The following ACTR3C variants were observed in gnomAD, a reference collection of about 807,000 sequenced individuals.
ACTR3C encodes the protein actin related protein 3C, also known as actin-related protein 3C.
A neutral mutation model predicts 26.3 loss-of-function variants in ACTR3C; 18 were observed. The observed-to-expected ratio is 0.68, with a 90% CI of 0.47 to 1.01. The LOEUF (loss-of-function observed/expected upper bound fraction) is 1.01. Ranked by LOEUF, ACTR3C falls within the 50% of genes least tolerant of loss-of-function variation. The probability of loss-of-function intolerance (pLI) is 0.00; values close to 1 mark genes in which losing one functional copy is unlikely to be tolerated. For missense variants in ACTR3C, 184 were observed against 250.7 expected, an observed-to-expected ratio of 0.73 and a Z score of 1.80; for synonymous variants, 55 against 94.5, an observed-to-expected ratio of 0.58 and a Z score of 2.42.
chr7:150,116,722 G>A, the ACTR3C span, among the ~76,000 whole-genome samples: 5 of 152,114 alleles, frequency 3.3e-5, no homozygotes, highest in Admixed American at 3.3e-4. Flanking sequence ...TGACACATGT[G>A]TGTGTGTGTG....
the ACTR3C span, among the ~76,000 whole-genome samples, chr7:150,227,530 A>G: frequency 1.3e-5 from 2 of 151,294 alleles, no homozygotes; most frequent in African/African-American, 2.4e-5. Flanking sequence ...TTTTTCTTTC[A>G]TGGATCATGA....
intron 6 of ACTR3C, 86 bp downstream of exon 6, chr7:150,284,667 G>A: frequency 8.9e-7 from 1 of 1,125,642 alleles, no homozygotes; most frequent in Non-Finnish European, 1.2e-6. Flanking sequence ...ATATTTACTA[G>A]TAATAGACAG....
chr7:149,925,765 G>C, the ACTR3C span, among the ~76,000 whole-genome samples: 2 of 151,374 alleles, frequency 1.3e-5, no homozygotes, highest in Admixed American at 1.3e-4. Context: ...TTAAAAAAAA[G>C]AAAAAAAACC....
the ACTR3C span, among the ~76,000 whole-genome samples, chr7:150,158,078 G>T: frequency 3.7e-4 from 57 of 152,242 alleles, no homozygotes; most frequent in African/African-American, 1.3e-3. Context: ...AGATGCAACA[G>T]GTGTATATTA....
At chr7:150,196,821 G>C in the ACTR3C span, among the ~76,000 whole-genome samples, 1 of 152,076 alleles carries the variant, frequency 6.6e-6, no homozygotes, top group Non-Finnish European at 1.5e-5. Context: ...CAGTACCTTG[G>C]GTTTAGGATA....
At chr7:149,964,867 A>G in the ACTR3C span, among the ~76,000 whole-genome samples, 1 of 152,046 alleles carries the variant, frequency 6.6e-6, no homozygotes, top group African/African-American at 2.4e-5. Flanking sequence ...CCTAGAATTC[A>G]ACAAATAGTG....
chr7:150,068,116 G>A, the ACTR3C span, among the ~76,000 whole-genome samples: 1 of 152,094 alleles, frequency 6.6e-6, no homozygotes, highest in Admixed American at 6.5e-5. Flanking sequence ...TAAAACACAG[G>A]AGTTAGATTT....
intron 6 of ACTR3C, among the ~76,000 whole-genome samples, chr7:150,280,740 T>C (rs1424365685): frequency 6.6e-6 from 1 of 151,980 alleles, no homozygotes; most frequent in Non-Finnish European, 1.5e-5. Flanking sequence ...ACGATGTACA[T>C]ACCTGTATCA....
At chr7:150,148,260 C>T in the ACTR3C span, among the ~76,000 whole-genome samples, 2 of 151,834 alleles carry the variant, frequency 1.3e-5, no homozygotes, top group African/African-American at 4.8e-5. Flanking sequence ...GGGCGGATCA[C>T]GAGGTCAGGA....
intron 6 of ACTR3C, among the ~76,000 whole-genome samples, chr7:150,263,660 A>G (rs1346994796): frequency 6.6e-6 from 1 of 152,112 alleles, no homozygotes; most frequent in African/African-American, 2.4e-5. Context: ...GGAGAAATAA[A>G]AAGAAATCTA....
chr7:150,110,968 G>T, the ACTR3C span, among the ~76,000 whole-genome samples: 2 of 150,862 alleles, frequency 1.3e-5, no homozygotes, highest in African/African-American at 2.5e-5. Flanking sequence ...TTGCAGGTGG[G>T]CAGAGCCCTG....
the ACTR3C span, among the ~76,000 whole-genome samples, chr7:149,899,269 C>A: frequency 2.9e-5 from 4 of 139,794 alleles, no homozygotes; most frequent in East Asian, 6.4e-4. Flanking sequence ...ACAATGCCAC[C>A]GAGATAACAC....
chr7:150,313,281 G>A (rs570472712), intron 1 of ACTR3C, among the ~76,000 whole-genome samples: 9 of 152,276 alleles, frequency 5.9e-5, no homozygotes, highest in African/African-American at 9.6e-5. Flanking sequence ...ACGGACACAC[G>A]TGACAGTTCA....
chr7:150,251,076 AGC>A (rs1415227569), intron 6 of ACTR3C, among the ~76,000 whole-genome samples: 1 of 152,198 alleles, frequency 6.6e-6, no homozygotes, highest in African/African-American at 2.4e-5. Context: ...TTCTCCCTAT[AGC>A]ACCTGGCATA....
the ACTR3C span, among the ~76,000 whole-genome samples, chr7:149,952,287 G>A: frequency 7.0e-6 from 1 of 142,356 alleles, no homozygotes; most frequent in Non-Finnish European, 1.5e-5. Context: ...TTTCTATTCT[G>A]AACATTGAAT....
the ACTR3C span, among the ~76,000 whole-genome samples, chr7:150,210,281 AT>A: frequency 6.7e-6 from 1 of 149,984 alleles, no homozygotes; most frequent in African/African-American, 2.5e-5. Flanking sequence ...GAAATATAAA[AT>A]TCTAAAATGA....
chr7:150,271,390 G>A (rs550392886), intron 6 of ACTR3C, among the ~76,000 whole-genome samples: 2,620 of 150,766 alleles, frequency 0.017, 59 homozygotes, highest in African/African-American at 0.061. Context: ...CTGTGTCCAT[G>A]TCTTCTCATT....
At chr7:150,231,952 C>T in the ACTR3C span, among the ~76,000 whole-genome samples, 1 of 152,158 alleles carries the variant, frequency 6.6e-6, no homozygotes, top group African/African-American at 2.4e-5. Context: ...CTATGAATTA[C>T]TAAAAAAGAA....
At chr7:150,311,466 T>G (rs761555750) in intron 1 of ACTR3C, among the ~76,000 whole-genome samples, 2 of 152,150 alleles carry the variant, frequency 1.3e-5, no homozygotes, top group African/African-American at 2.4e-5. Context: ...AGCGTTAATG[T>G]CCTCCTCACA....
Sources: gnomAD v4.1 joint callset for allele counts (sites outside exome capture counted in the v4.1 genomes callset) on GRCh38, gnomAD v4.1.1 for gene constraint, MANE v1.5 for transcripts, NCBI Gene and HGNC (gene_info 2026-07-23, HGNC 2026-07-21) for gene names.